The following TAFA1 variants were observed in gnomAD, a reference collection of about 807,000 sequenced individuals.
TAFA1 encodes the protein chemokine-like protein TAFA-1.
In TAFA1, 4 loss-of-function variants were observed where a neutral mutation model predicts 18.5. The ratio of observed to expected loss-of-function variants is 0.22; its 90% CI spans 0.11 to 0.49. The LOEUF (loss-of-function observed/expected upper bound fraction) is 0.49, where lower values mean the gene tolerates loss of function less well. TAFA1 is among the 20% of genes least tolerant of loss of function. The pLI is 0.98. For missense variants in TAFA1, 147 were observed against 169.0 expected, an observed-to-expected ratio of 0.87 and a Z score of 0.72; for synonymous variants, 56 against 55.2, an observed-to-expected ratio of 1.01 and a Z score of -0.06.
the TAFA1 span, among the ~76,000 whole-genome samples, chr3:67,992,350 A>T: frequency 6.6e-6 from 1 of 152,352 alleles, no homozygotes. Flanking sequence ...CAATATACTT[A>T]GAGAGGCAAC....
chr3:68,105,211 A>G (rs1359956500), intron 2 of TAFA1, among the ~76,000 whole-genome samples: 4 of 152,094 alleles, frequency 2.6e-5, no homozygotes, highest in African/African-American at 9.7e-5. Context: ...ACCAGACTCC[A>G]CCTCCAACAT....
intron 2 of TAFA1, among the ~76,000 whole-genome samples, chr3:68,201,802 G>A (rs1460317062): frequency 2.0e-5 from 3 of 151,708 alleles, no homozygotes; most frequent in African/African-American, 4.8e-5. Flanking sequence ...AGTACAAGAA[G>A]CATAGCAGCA....
At position 68,154,822 on chromosome 3, in the gene TAFA1, T is replaced by G. The variant is rs562595491; in HGVS notation, c.118+148078T>G. 2.6e-5 allele frequency among the ~76,000 whole-genome samples: 4 copies of G among 152,280 alleles called. No homozygotes were observed. The South Asian group carries it at 8.3e-4, about 32-fold the overall frequency. ...CTCCCCAGTGCCCTTGGGACATTGT[T>G]TAACTTCTATTTTCTGCCCCCCACC... is the stretch of plus-strand genomic sequence containing the variant. On this transcript the variant is annotated intron_variant, in intron 2 of 4. Transcript: ENST00000478136.
At chr3:68,260,367 A>T (rs2067390113) in intron 2 of TAFA1, among the ~76,000 whole-genome samples, 2 of 152,044 alleles carry the variant, frequency 1.3e-5, no homozygotes, top group South Asian at 4.1e-4. Flanking sequence ...TTTTTGCATC[A>T]ATGTTCATCA....
rs146386490 is a variant in TAFA1, at chr3:68,054,078, T to C, written c.118+47334T>C. 2.2e-3 allele frequency among the ~76,000 whole-genome samples: 332 copies of C among 152,186 alleles called. 1 individual carries two copies. The highest frequency in any genetic ancestry group is 7.7e-3 in the African/African-American group (318 of 41,526). ...AGTTTTCTGGACTCCCCTTCACAGA[T>C]ATGAAGTTTTAATTTTTATGTGCAC... On this transcript the variant is annotated intron_variant, in intron 2 of 4. Transcript: ENST00000478136.
intron 3 of TAFA1, among the ~76,000 whole-genome samples, chr3:68,459,490 C>G (rs2071733472): frequency 1.8e-5 from 1 of 57,038 alleles, no homozygotes; most frequent in Non-Finnish European, 3.2e-5. Context: ...TTTTTTAACG[C>G]ACTAGAAGAA....
intron 2 of TAFA1, among the ~76,000 whole-genome samples, chr3:68,156,003 C>T (rs1031936724): frequency 1.3e-5 from 2 of 151,984 alleles, no homozygotes; most frequent in Admixed American, 6.6e-5. Context: ...CTTTTTTTCC[C>T]CCTTCAAGTA....
chr3:68,028,688 G>T (rs1327938492), intron 2 of TAFA1, among the ~76,000 whole-genome samples: 1 of 151,756 alleles, frequency 6.6e-6, no homozygotes, highest in Non-Finnish European at 1.5e-5. Context: ...GGCCTCCATT[G>T]TCATGTTACC....
At chr3:68,143,413 A>T (rs887508741) in intron 2 of TAFA1, among the ~76,000 whole-genome samples, 1 of 152,188 alleles carries the variant, frequency 6.6e-6, no homozygotes, top group South Asian at 2.1e-4. Context: ...TAAACATCAC[A>T]TTATCCATCC....
chr3:68,269,921 C>A (rs2067629989), intron 2 of TAFA1, among the ~76,000 whole-genome samples: 1 of 152,026 alleles, frequency 6.6e-6, no homozygotes, highest in Non-Finnish European at 1.5e-5. Context: ...TCAGTTCTAC[C>A]TTTTCTTTTC....
chr3:68,170,154 C>A (rs1048832570), intron 2 of TAFA1, among the ~76,000 whole-genome samples: 2 of 152,118 alleles, frequency 1.3e-5, no homozygotes, highest in African/African-American at 2.4e-5. Flanking sequence ...ATTTTCATCA[C>A]CCTGTCCTCA....
At chr3:68,169,774 G>T (rs913717769) in intron 2 of TAFA1, among the ~76,000 whole-genome samples, 37 of 152,210 alleles carry the variant, frequency 2.4e-4, no homozygotes, top group African/African-American at 8.7e-4. Flanking sequence ...AATAGTATAT[G>T]GGTGAGGTAG....
At chr3:68,208,235 A>G (rs1383647864) in intron 2 of TAFA1, among the ~76,000 whole-genome samples, 2 of 151,904 alleles carry the variant, frequency 1.3e-5, no homozygotes, top group Non-Finnish European at 2.9e-5. Flanking sequence ...TATTTCAATA[A>G]CATGCAGCAT....
the TAFA1 span, among the ~76,000 whole-genome samples, chr3:67,997,220 T>A: frequency 1.3e-5 from 2 of 152,218 alleles, no homozygotes; most frequent in Non-Finnish European, 2.9e-5. Flanking sequence ...CTGAGCAAAA[T>A]CTTAATTACA....
intron 2 of TAFA1, 40 bp downstream of exon 2, chr3:68,006,784 T>G (rs755016715): frequency 7.4e-7 from 1 of 1,344,374 alleles, no homozygotes. Flanking sequence ...TCCTCCAGTC[T>G]TACCACTATT....
chr3:68,459,169 C>T (rs1436985103), intron 3 of TAFA1, among the ~76,000 whole-genome samples: 2 of 152,146 alleles, frequency 1.3e-5, no homozygotes, highest in East Asian at 3.9e-4. Flanking sequence ...AGGAAGTGCT[C>T]ATCAGCTGAG....
At chr3:68,392,944 G>T (rs142744368) in intron 2 of TAFA1, among the ~76,000 whole-genome samples, 1 of 152,194 alleles carries the variant, frequency 6.6e-6, no homozygotes, top group East Asian at 1.9e-4. Context: ...ACAATTAAAA[G>T]AACTAGAGAA....
intron 2 of TAFA1, among the ~76,000 whole-genome samples, chr3:68,160,392 C>T (rs1291313115): frequency 1.3e-5 from 2 of 152,098 alleles, no homozygotes; most frequent in Non-Finnish European, 2.9e-5. Context: ...TTGCAGAATC[C>T]GGCAGTGACT....
chr3:68,022,876 TTAAG>T (rs1704726890), intron 2 of TAFA1, among the ~76,000 whole-genome samples: 1 of 144,832 alleles, frequency 6.9e-6, no homozygotes, highest in African/African-American at 2.6e-5. Flanking sequence ...AAGATTTGTA[TTAAG>T]TGTTTACTAT....
Sources: allele counts gnomAD v4.1 joint callset (sites outside exome capture counted in the v4.1 genomes callset), GRCh38; gene constraint gnomAD v4.1.1; transcripts MANE v1.5; gene names NCBI Gene and HGNC (gene_info 2026-07-23, HGNC 2026-07-21).